Variants in GRIK1 observed in about 807,000 individuals in gnomAD.
GRIK1 encodes the protein glutamate ionotropic receptor kainate type subunit 1, also known as glutamate receptor ionotropic, kainate 1.
GRIK1 carries 69 observed loss-of-function variants against 105.7 expected under a neutral mutation model. The observed-to-expected ratio is 0.65, with a 90% CI of 0.54 to 0.80. The LOEUF (loss-of-function observed/expected upper bound fraction) is 0.80, where lower values mean the gene tolerates loss of function less well. GRIK1 is among the 30% of genes least tolerant of loss of function. The probability of loss-of-function intolerance (pLI) is 0.00; values close to 1 mark genes in which losing one functional copy is unlikely to be tolerated. For missense variants in GRIK1, 1,109 were observed against 1,167.3 expected (o/e 0.95, Z 0.73); for synonymous variants, 438 against 431.3 (o/e 1.02, Z -0.19).
intron 1 of GRIK1, among the ~76,000 whole-genome samples, chr21:29,740,716 C>T (rs543303906): frequency 6.6e-6 from 1 of 152,270 alleles, no homozygotes; most frequent in African/African-American, 2.4e-5. Context: ...TTAGTTACTC[C>T]TTTAATGTTT....
At chr21:29,870,590 A>G (rs1441726243) in intron 1 of GRIK1, among the ~76,000 whole-genome samples, 1 of 152,026 alleles carries the variant, frequency 6.6e-6, no homozygotes, top group Non-Finnish European at 1.5e-5. Context: ...ATTTCATTGT[A>G]TACATTTTAA....
chr21:29,592,699 G>A (rs1173838090), intron 9 of GRIK1, among the ~76,000 whole-genome samples: 1 of 152,198 alleles, frequency 6.6e-6, no homozygotes, highest in South Asian at 2.1e-4. Flanking sequence ...GATGATGTAT[G>A]TGGAAGTGTT....
chr21:29,641,285 A>G (rs903127411), intron 7 of GRIK1, among the ~76,000 whole-genome samples: 6 of 152,244 alleles, frequency 3.9e-5, no homozygotes, highest in East Asian at 3.9e-4. Flanking sequence ...TCATGGAGGC[A>G]AGTCTTCCCA....
At chr21:29,579,659 C>T (rs1429276363) in intron 13 of GRIK1, among the ~76,000 whole-genome samples, 2 of 152,204 alleles carry the variant, frequency 1.3e-5, no homozygotes, top group Non-Finnish European at 1.5e-5. Context: ...GATGCACTAA[C>T]AGTCACAAGT....
At chr21:29,642,678 A>G (rs1481299829) in intron 7 of GRIK1, 148 bp downstream of exon 7, 1 of 667,438 alleles carries the variant, frequency 1.5e-6, no homozygotes, top group East Asian at 2.8e-5. Flanking sequence ...CAAACTTTTG[A>G]CACTGAAATC....
intron 7 of GRIK1, among the ~76,000 whole-genome samples, chr21:29,603,343 A>C (rs370998369): frequency 2.7e-4 from 41 of 152,090 alleles, no homozygotes; most frequent in East Asian, 2.1e-3. Context: ...GTAACACATA[A>C]AAAGAAATAC....
intron 1 of GRIK1, among the ~76,000 whole-genome samples, chr21:29,770,170 G>C (rs559245910): frequency 6.6e-5 from 10 of 152,290 alleles, no homozygotes; most frequent in Non-Finnish European, 1.3e-4. Context: ...GGAATGGCTA[G>C]ACAACTCGCG....
chr21:29,838,364 GA>G (rs536061785), intron 1 of GRIK1, among the ~76,000 whole-genome samples: 3 of 147,302 alleles, frequency 2.0e-5, no homozygotes, highest in Non-Finnish European at 4.5e-5. Flanking sequence ...GGATATCACA[GA>G]AAAAAAAAAG....
chr21:29,708,787 C>T (rs2063975792), intron 1 of GRIK1, among the ~76,000 whole-genome samples: 1 of 152,124 alleles, frequency 6.6e-6, no homozygotes, highest in Non-Finnish European at 1.5e-5. Context: ...AATTTTAATC[C>T]TCTTTTTAAA....
intron 1 of GRIK1, among the ~76,000 whole-genome samples, chr21:29,725,694 T>C (rs547770069): frequency 6.6e-6 from 1 of 152,280 alleles, no homozygotes; most frequent in Non-Finnish European, 1.5e-5. Flanking sequence ...TGTAATAGCT[T>C]ATAATTATGA....
intron 16 of GRIK1, among the ~76,000 whole-genome samples, chr21:29,547,156 A>G (rs370028668): frequency 1.3e-5 from 2 of 152,198 alleles, no homozygotes; most frequent in African/African-American, 4.8e-5. Flanking sequence ...GTCAAGAACA[A>G]TTCTACTTCT....
chr21:29,603,852 G>A (rs1347375771), intron 7 of GRIK1, among the ~76,000 whole-genome samples: 1 of 152,160 alleles, frequency 6.6e-6, no homozygotes, highest in African/African-American at 2.4e-5. Context: ...TCTAAACAAG[G>A]TACTGTTCCA....
intron 15 of GRIK1, among the ~76,000 whole-genome samples, chr21:29,558,709 T>A (rs1198282291): frequency 7.0e-6 from 1 of 143,680 alleles, no homozygotes; most frequent in Non-Finnish European, 1.5e-5. Flanking sequence ...ATATGTATAT[T>A]TATATATATA....
chr21:29,728,198 C>A (rs2064519473), intron 1 of GRIK1, among the ~76,000 whole-genome samples: 1 of 152,192 alleles, frequency 6.6e-6, no homozygotes, highest in Admixed American at 6.5e-5. Context: ...CCAAGCAGCA[C>A]TGAGGTTCAA....
At chr21:29,739,600 T>G (rs372463759) in intron 1 of GRIK1, among the ~76,000 whole-genome samples, 2 of 152,232 alleles carry the variant, frequency 1.3e-5, no homozygotes, top group South Asian at 2.1e-4. Flanking sequence ...GCATTCATTT[T>G]ATATGGTACA....
chr21:29,758,333 G>C (rs142403694), intron 1 of GRIK1, among the ~76,000 whole-genome samples: 1 of 152,354 alleles, frequency 6.6e-6, no homozygotes, highest in Non-Finnish European at 1.5e-5. Context: ...TGGATGGGGA[G>C]CCCTCACAAC....
intron 1 of GRIK1, among the ~76,000 whole-genome samples, chr21:29,764,237 A>T (rs965876438): frequency 1.3e-5 from 2 of 152,184 alleles, no homozygotes; most frequent in African/African-American, 4.8e-5. Context: ...GAAGCATGGG[A>T]GGTGAAAACA....
intron 1 of GRIK1, among the ~76,000 whole-genome samples, chr21:29,802,588 G>A (rs2256360): frequency 0.48 from 72,367 of 151,904 alleles, 18,581 homozygotes; most frequent in Middle Eastern, 0.6. Context: ...TGTGCATCAC[G>A]CTCTCTGCAT....
At chr21:29,697,029 GAA>G (rs2063717011) in intron 1 of GRIK1, among the ~76,000 whole-genome samples, 1 of 136,638 alleles carries the variant, frequency 7.3e-6, no homozygotes, top group Non-Finnish European at 1.7e-5. Flanking sequence ...AAGTGAACAA[GAA>G]GATTACACAT....
Sources: gnomAD v4.1 joint callset for allele counts (sites outside exome capture counted in the v4.1 genomes callset) on GRCh38, gnomAD v4.1.1 for gene constraint, MANE v1.5 for transcripts, NCBI Gene and HGNC (gene_info 2026-07-23, HGNC 2026-07-21) for gene names.